Variants in SLC35F1 observed in about 807,000 individuals in gnomAD.
SLC35F1 encodes solute carrier family 35 member F1.
In SLC35F1, 14 loss-of-function variants were observed where a neutral mutation model predicts 48.7. The observed-to-expected ratio is 0.29, with a 90% CI of 0.19 to 0.45. SLC35F1 has a LOEUF of 0.45. SLC35F1 is among the 20% of genes least tolerant of loss of function. The probability of loss-of-function intolerance (pLI) is 1.00; values close to 1 mark genes in which losing one functional copy is unlikely to be tolerated. For missense variants in SLC35F1, 404 were observed against 500.0 expected (o/e 0.81, Z 1.83); for synonymous variants, 190 against 202.2 (o/e 0.94, Z 0.51).
At chr6:117,921,877 GAA>G (rs1775903980) in intron 1 of SLC35F1, among the ~76,000 whole-genome samples, 1 of 152,170 alleles carries the variant, frequency 6.6e-6, no homozygotes, top group Non-Finnish European at 1.5e-5. Flanking sequence ...TAGTGATTAT[GAA>G]AAAATGTAAA....
At chr6:118,268,457 G>A (rs963461484) in intron 4 of SLC35F1, among the ~76,000 whole-genome samples, 5 of 151,596 alleles carry the variant, frequency 3.3e-5, no homozygotes, top group Admixed American at 6.6e-5. Flanking sequence ...ATTGATAGAC[G>A]TCATATGAAA....
intron 1 of SLC35F1, among the ~76,000 whole-genome samples, chr6:118,087,605 C>T (rs1425711972): frequency 6.6e-6 from 1 of 152,056 alleles, no homozygotes; most frequent in African/African-American, 2.4e-5. Context: ...CCCAATGTTC[C>T]AAGACAGAAT....
chr6:118,228,551 A>G (rs1362619454), intron 2 of SLC35F1, among the ~76,000 whole-genome samples: 10 of 152,062 alleles, frequency 6.6e-5, no homozygotes, highest in Admixed American at 6.6e-4. Flanking sequence ...AAAATTGGTC[A>G]GATATGGTGG....
At chr6:118,007,523 C>T (rs1777189373) in intron 1 of SLC35F1, among the ~76,000 whole-genome samples, 1 of 152,104 alleles carries the variant, frequency 6.6e-6, no homozygotes, top group East Asian at 1.9e-4. Flanking sequence ...CAAGCATACC[C>T]CTGAGTTCAA....
intron 1 of SLC35F1, among the ~76,000 whole-genome samples, chr6:117,943,113 C>T (rs569205428): frequency 2.0e-5 from 3 of 152,154 alleles, no homozygotes; most frequent in South Asian, 2.1e-4. Context: ...TGGGTCTTGC[C>T]GATCCTGTTA....
chr6:117,923,661 A>ATACATATG lies in SLC35F1; in HGVS notation c.173+15764_173+15765insCATATGTA, dbSNP rs1582564333. The stretch of plus-strand genomic sequence containing the variant: ...TACATATGTACATATGTACATATGT[A>ATACATATG]TATATACATATATGTACATATATAC... On this transcript the variant is annotated intron_variant, in intron 1 of 7. Transcript: ENST00000360388. Among the ~76,000 whole-genome samples the ATACATATG allele has an allele frequency of 1.4e-4, 10 of 69,630 alleles. 1 individual carries two copies. Among genetic ancestry groups the ATACATATG allele is most frequent in the South Asian group, 1.3e-3 (3 of 2,316 alleles). The allele number at this position is 69,630 out of a possible 152,430, so 45.7% of individuals were successfully genotyped here.
At chr6:117,970,394 A>T (rs1776623284) in intron 1 of SLC35F1, among the ~76,000 whole-genome samples, 1 of 152,186 alleles carries the variant, frequency 6.6e-6, no homozygotes. Flanking sequence ...TCCTTATAGC[A>T]TTCTAGAATA....
At chr6:118,064,626 C>G (rs1772587650) in intron 1 of SLC35F1, among the ~76,000 whole-genome samples, 1 of 152,138 alleles carries the variant, frequency 6.6e-6, no homozygotes, top group Admixed American at 6.6e-5. Context: ...AGTCTCAGAT[C>G]TCCTTGGATT....
At chr6:118,104,471 A>G (rs1220297782) in intron 1 of SLC35F1, among the ~76,000 whole-genome samples, 1 of 152,222 alleles carries the variant, frequency 6.6e-6, no homozygotes, top group Non-Finnish European at 1.5e-5. Flanking sequence ...CAAACACAGT[A>G]AATGCTCAAT....
At chr6:117,970,265 G>C (rs1189556349) in intron 1 of SLC35F1, among the ~76,000 whole-genome samples, 2 of 152,128 alleles carry the variant, frequency 1.3e-5, no homozygotes, top group African/African-American at 4.8e-5. Flanking sequence ...ATCTTTAGGA[G>C]CTCTCCTGAC....
chr6:117,934,373 T>C (rs1776138731), intron 1 of SLC35F1, among the ~76,000 whole-genome samples: 1 of 152,154 alleles, frequency 6.6e-6, no homozygotes, highest in Non-Finnish European at 1.5e-5. Flanking sequence ...GGACTCATAT[T>C]AAAAAGATAC....
At chr6:118,049,327 C>T (rs1404431586) in intron 1 of SLC35F1, among the ~76,000 whole-genome samples, 1 of 152,094 alleles carries the variant, frequency 6.6e-6, no homozygotes, top group Non-Finnish European at 1.5e-5. Context: ...GGCTAAAACA[C>T]CAAAAGCAAT....
chr6:118,010,115 A>G (rs1777225820), intron 1 of SLC35F1, among the ~76,000 whole-genome samples: 1 of 152,310 alleles, frequency 6.6e-6, no homozygotes, highest in South Asian at 2.1e-4. Context: ...TCTTAACTAA[A>G]TGTATTTTGA....
intron 5 of SLC35F1, 46 bp downstream of exon 5, chr6:118,275,661 G>T (rs1775910747): frequency 6.4e-7 from 1 of 1,564,826 alleles, no homozygotes. Flanking sequence ...GGACTGTCAA[G>T]ACTTATTCTT....
chr6:118,167,248 G>A (rs926774214), intron 2 of SLC35F1, among the ~76,000 whole-genome samples: 2 of 152,124 alleles, frequency 1.3e-5, no homozygotes, highest in African/African-American at 4.8e-5. Context: ...AAATCTGAGT[G>A]CCACCCTTTC....
At chr6:118,225,078 A>G (rs1775197555) in intron 2 of SLC35F1, among the ~76,000 whole-genome samples, 1 of 152,194 alleles carries the variant, frequency 6.6e-6, no homozygotes, top group Non-Finnish European at 1.5e-5. Flanking sequence ...AAGAATTAAC[A>G]CTGTTAAAAT....
At chr6:118,211,922 T>G (rs1232959891) in intron 2 of SLC35F1, among the ~76,000 whole-genome samples, 1 of 152,230 alleles carries the variant, frequency 6.6e-6, no homozygotes, top group Non-Finnish European at 1.5e-5. Flanking sequence ...AATGCTATCA[T>G]GTGGTAGACA....
chr6:117,924,502 A>ATACG (rs1425525317), intron 1 of SLC35F1, among the ~76,000 whole-genome samples: 1 of 21,054 alleles, frequency 4.7e-5, no homozygotes, highest in Non-Finnish European at 1.5e-4. Context: ...ACATATGTAT[A>ATACG]TACGTATATA....
intron 2 of SLC35F1, among the ~76,000 whole-genome samples, chr6:118,181,949 G>A (rs914180176): frequency 2.0e-5 from 3 of 152,214 alleles, no homozygotes; most frequent in East Asian, 1.9e-4. Flanking sequence ...TCCTAGCAAA[G>A]TGGGAGATTT....
Sources: allele counts gnomAD v4.1 joint callset (sites outside exome capture counted in the v4.1 genomes callset), GRCh38; gene constraint gnomAD v4.1.1; transcripts MANE v1.5; gene names NCBI Gene and HGNC (gene_info 2026-07-23, HGNC 2026-07-21).